The following CCDC144A variants were observed in gnomAD, a reference collection of about 807,000 sequenced individuals.
The protein encoded by CCDC144A is coiled-coil domain containing 144A, also known as coiled-coil domain-containing protein 144A.
Under a neutral mutation model 143.8 loss-of-function variants are expected in CCDC144A, and 41 were observed. The ratio of observed to expected loss-of-function variants is 0.29; its 90% CI spans 0.22 to 0.37. The LOEUF (loss-of-function observed/expected upper bound fraction) is 0.37. CCDC144A is among the 10% of genes least tolerant of loss of function. CCDC144A has a pLI of 1.00. For synonymous variants in CCDC144A, 242 were observed against 517.9 expected (o/e 0.47, Z 7.23); for missense variants, 637 against 1,488.8 (o/e 0.43, Z 9.41).
chr17:16,709,479 A>C lies in CCDC144A; in HGVS notation c.1422A>C (p.Glu474Asp). 3 of 1,611,652 alleles carry C rather than the reference A, an allele frequency of 1.9e-6. No individual in the cohort carries two copies. The South Asian group carries it at 3.3e-5, about 18-fold the overall frequency. The change falls in exon 5 of 17, where the codon GAA (glutamate) becomes GAC (aspartate). Residue 474 changes from glutamate (E) to aspartate (D), a missense_variant. Glu to Asp is a conservative substitution (Grantham distance 45). Transcript: ENST00000399273. ...NNYKSLKPKL[E>D]NLSSLPPDSD... ...ATAAAAGCCTGAAACCTAAATTAGA[A>C]AATCTGAGTTCTTTACCACCAGATT...
intron 6 of CCDC144A, among the ~76,000 whole-genome samples, chr17:16,717,957 TGTG>T (rs1054367936): frequency 2.0e-5 from 3 of 152,198 alleles, no homozygotes; most frequent in Non-Finnish European, 2.9e-5. Context: ...TTTAGTAACT[TGTG>T]GTCTGCTGCA....
At chr17:16,686,152 G>A (rs1910775486), upstream of CCDC144A, among the ~76,000 whole-genome samples, 1 of 144,210 alleles carries the variant, frequency 6.9e-6, no homozygotes, top group South Asian at 2.2e-4. Flanking sequence ...TGGAGTGCCA[G>A]TGGCGCGATT....
chr17:16,688,312 G>A (rs946322375), upstream of CCDC144A, among the ~76,000 whole-genome samples: 6 of 151,796 alleles, frequency 4.0e-5, no homozygotes, highest in African/African-American at 1.5e-4. Context: ...ACAGGCTTAC[G>A]TGAAGATCAC....
At chr17:16,729,963 C>CATATATAT (rs59756018) in intron 9 of CCDC144A, among the ~76,000 whole-genome samples, 2,448 of 93,942 alleles carry the variant, frequency 0.026, 127 homozygotes, top group African/African-American at 0.068. Flanking sequence ...TAGGTAGTTT[C>CATATATAT]ATATATATAT....
the CCDC144A span, among the ~76,000 whole-genome samples, chr17:16,673,501 C>G: frequency 6.6e-6 from 1 of 151,830 alleles, no homozygotes; most frequent in Non-Finnish European, 1.5e-5. Flanking sequence ...ATTCTCCTGC[C>G]TCAGCATCCC....
intron 12 of CCDC144A, among the ~76,000 whole-genome samples, chr17:16,755,714 C>G (rs934937497): frequency 2.0e-5 from 3 of 152,166 alleles, no homozygotes; most frequent in Non-Finnish European, 4.4e-5. Context: ...CATGAGCCAC[C>G]ATGCCTGGCT....
At chr17:16,746,544 G>T in intron 12 of CCDC144A, 1 of 1,613,578 alleles carries the variant, frequency 6.2e-7, no homozygotes, top group Non-Finnish European at 8.5e-7. Context: ...TTATATTCTG[G>T]ATCTTTGCTG....
chr17:16,687,901 T>C (rs1910840114), upstream of CCDC144A, among the ~76,000 whole-genome samples: 1 of 152,006 alleles, frequency 6.6e-6, no homozygotes, highest in Non-Finnish European at 1.5e-5. Context: ...AATTTTTTTT[T>C]TAGCACACTA....
Position 16,705,263 on chromosome 17 carries a change from A to G in CCDC144A, c.528A>G (p.Ser176=). 1 of 895,614 alleles carries G rather than the reference A, an allele frequency of 1.1e-6. No individual in the cohort carries two copies. Among genetic ancestry groups the G allele is most frequent in the Middle Eastern group, 3.3e-4 (1 of 3,024 alleles). 55.5% of individuals were successfully genotyped at this position (895,614 alleles called of 1,614,324 possible). A position where few individuals can be genotyped will look rare whatever the true frequency, so the allele number is the denominator to read the frequency against. The change falls in exon 3 of 17, where the codon TCA becomes TCG. Residue 176 remains serine, a synonymous_variant. Transcript: ENST00000399273. ...CACCATCAATGCCTGAAAATCAGTC[A>G]GCAACCAAAGAACTGGGACAGATGA... ...SVSPSMPENQ[S]ATKELGQMNL...
intron 2 of CCDC144A, among the ~76,000 whole-genome samples, chr17:16,700,160 A>G (rs1911651695): frequency 6.6e-6 from 1 of 152,306 alleles, no homozygotes; most frequent in Admixed American, 6.5e-5. Flanking sequence ...ACAAAGCAAC[A>G]TTCGAGAAAG....
intron 6 of CCDC144A, among the ~76,000 whole-genome samples, chr17:16,713,814 A>G (rs975172847): frequency 2.6e-5 from 4 of 152,204 alleles, no homozygotes; most frequent in African/African-American, 9.6e-5. Context: ...ATACAGCTAA[A>G]CAAGAAGAAA....
chr17:16,712,931 T>G (rs1230239982), intron 6 of CCDC144A, among the ~76,000 whole-genome samples: 1 of 152,120 alleles, frequency 6.6e-6, no homozygotes, highest in African/African-American at 2.4e-5. Flanking sequence ...ACATTGACAC[T>G]GTACCTTGTT....
the CCDC144A span, among the ~76,000 whole-genome samples, chr17:16,668,533 AATTGTTATT>A: frequency 6.6e-6 from 1 of 152,314 alleles, no homozygotes; most frequent in African/African-American, 2.4e-5. Flanking sequence ...ACTCTTAAAT[AATTGTTATT>A]TTTTTCTACC....
At chr17:16,687,193 T>G (rs541591612), upstream of CCDC144A, among the ~76,000 whole-genome samples, 26 of 152,340 alleles carry the variant, frequency 1.7e-4, no homozygotes, top group South Asian at 4.1e-3. Context: ...ATTCTTTGGT[T>G]GTTCTGAAGA....
intron 12 of CCDC144A, among the ~76,000 whole-genome samples, chr17:16,756,410 T>C (rs1185981186): frequency 6.6e-6 from 1 of 151,838 alleles, no homozygotes; most frequent in Non-Finnish European, 1.5e-5. Flanking sequence ...ACATTCTCAG[T>C]TGTTTTTATT....
chr17:16,690,573 T>G lies in CCDC144A; in HGVS notation c.173T>G (p.Val58Gly). The change falls in exon 1 of 17, where the codon GTC becomes GGC. Residue 58 changes from valine to glycine, a missense_variant. Transcript: ENST00000399273. The stretch of plus-strand genomic sequence containing the variant: ...CCCTACAGCTGGTGGAAAAACAGCG[T>G]CGGCAGCGAGAGCAAGCACGGTGAG... ...GFPYSWWKNS[V>G]GSESKHGEGA... is the part of the protein sequence containing the mutation. 1 of 1,613,734 alleles carries G rather than the reference T, an allele frequency of 6.2e-7. No individual in the cohort carries two copies.
At chr17:16,687,822 A>T (rs149453423), upstream of CCDC144A, among the ~76,000 whole-genome samples, 583 of 152,258 alleles carry the variant, frequency 3.8e-3, 6 homozygotes, top group African/African-American at 0.013. Context: ...GCCTCAATTC[A>T]CGGGGCATTT....
chr17:16,698,410 G>C (rs1440229029), intron 2 of CCDC144A, among the ~76,000 whole-genome samples: 1 of 152,036 alleles, frequency 6.6e-6, no homozygotes, highest in African/African-American at 2.4e-5. Context: ...ATAGAGTTGT[G>C]GGGTTCGCTG....
intron 6 of CCDC144A, among the ~76,000 whole-genome samples, chr17:16,715,513 T>C (rs925386818): frequency 2.6e-5 from 4 of 152,166 alleles, no homozygotes; most frequent in African/African-American, 9.7e-5. Context: ...CATGATAGTT[T>C]TACTTATGAT....
Sources: gnomAD v4.1 joint callset for allele counts (sites outside exome capture counted in the v4.1 genomes callset) on GRCh38, gnomAD v4.1.1 for gene constraint, MANE v1.5 for transcripts, NCBI Gene and HGNC (gene_info 2026-07-23, HGNC 2026-07-21) for gene names.